STEAP1B: variants seen among roughly 807,000 people sequenced by gnomAD.
STEAP1B encodes STEAP family member 1B.
STEAP1B carries 13 observed loss-of-function variants against 27.9 expected under a neutral mutation model. The ratio of observed to expected loss-of-function variants is 0.47; its 90% CI spans 0.30 to 0.74. The LOEUF is 0.74. STEAP1B is among the 30% of genes least tolerant of loss of function. STEAP1B has a pLI of 0.06. For synonymous variants in STEAP1B, 86 were observed against 107.1 expected, an observed-to-expected ratio of 0.80 and a Z score of 1.22; for missense variants, 250 against 298.7, an observed-to-expected ratio of 0.84 and a Z score of 1.20.
intron 4 of STEAP1B, among the ~76,000 whole-genome samples, chr7:22,480,792 G>A (rs775756200): frequency 2.0e-5 from 3 of 152,148 alleles, no homozygotes; most frequent in Admixed American, 6.5e-5. Flanking sequence ...TCTTTACTAG[G>A]TGCCAGCTAC....
intron 4 of STEAP1B, among the ~76,000 whole-genome samples, chr7:22,424,117 A>G (rs1440847384): frequency 6.6e-6 from 1 of 152,232 alleles, no homozygotes; most frequent in Non-Finnish European, 1.5e-5. Context: ...TAATACCTTG[A>G]CTACCTTCTA....
chr7:22,461,070 G>A (rs1478190912), intron 4 of STEAP1B, among the ~76,000 whole-genome samples: 3 of 152,030 alleles, frequency 2.0e-5, no homozygotes, highest in Non-Finnish European at 2.9e-5. Flanking sequence ...TCCACAATAC[G>A]GAACAGCTAG....
intron 4 of STEAP1B, among the ~76,000 whole-genome samples, chr7:22,462,341 A>C (rs2128408216): frequency 7.1e-6 from 1 of 140,416 alleles, no homozygotes; most frequent in African/African-American, 2.7e-5. Context: ...CTAACTCGTC[A>C]TCTAGCATTA....
chr7:22,465,965 C>G (rs1053107287), intron 4 of STEAP1B, among the ~76,000 whole-genome samples: 1 of 152,118 alleles, frequency 6.6e-6, no homozygotes, highest in African/African-American at 2.4e-5. Flanking sequence ...ACGGGACAGG[C>G]CTGGGGCTCA....
intron 4 of STEAP1B, among the ~76,000 whole-genome samples, chr7:22,457,484 A>G (rs1222126486): frequency 2.0e-5 from 3 of 152,214 alleles, no homozygotes; most frequent in Non-Finnish European, 4.4e-5. Flanking sequence ...CTTTAGTGCC[A>G]AGGCTAGGAG....
chr7:22,481,829 T>C (rs1184438610), intron 4 of STEAP1B, among the ~76,000 whole-genome samples: 1 of 152,236 alleles, frequency 6.6e-6, no homozygotes, highest in African/African-American at 2.4e-5. Context: ...ACTAAATCAT[T>C]GCTCTTAGGA....
At position 22,473,195 on chromosome 7, in the gene STEAP1B, G is replaced by C. The variant is rs183298450; in HGVS notation, c.762+19370C>G. Among the ~76,000 whole-genome samples the C allele has an allele frequency of 4.6e-5, 7 of 152,312 alleles. No individual in the cohort carries two copies. The East Asian group carries it at 1.3e-3, about 29-fold the overall frequency. The stretch of plus-strand genomic sequence containing the variant: ...ACCAGGAACACTGAGATTTTCTTCA[G>C]ATGTTTTGCAAGGAGAAGAAACTGC... On this transcript the variant is annotated intron_variant, in intron 4 of 4. Coordinates refer to ENST00000678116, the MANE Select transcript of STEAP1B (RefSeq NM_001382447.1).
In STEAP1B at chr7:22,444,531, G is replaced by A. The variant is rs544166460; in HGVS notation, c.763-24695C>T. Among the ~76,000 whole-genome samples the A allele has an allele frequency of 1.2e-4, 18 of 152,302 alleles. No homozygotes were observed. In the South Asian group the frequency reaches 3.7e-3, roughly 32 times the overall value. The stretch of plus-strand genomic sequence containing the variant: ...TTCCAGGGACCATGGACTCTTTGCA[G>A]ACACACTACTCAAACCCATGGAGAA... On this transcript the variant is annotated intron_variant, in intron 4 of 4. Transcript: ENST00000678116.
intron 4 of STEAP1B, among the ~76,000 whole-genome samples, chr7:22,467,916 C>G (rs761747889): frequency 3.3e-5 from 5 of 152,158 alleles, no homozygotes; most frequent in Non-Finnish European, 7.4e-5. Context: ...TTGGAAATTC[C>G]TTTGGCAAAG....
chr7:22,496,556 T>G (rs1173875407), intron 1 of STEAP1B, among the ~76,000 whole-genome samples: 1 of 152,220 alleles, frequency 6.6e-6, no homozygotes, highest in East Asian at 1.9e-4. Flanking sequence ...TTTTTATCTT[T>G]TATACGATAT....
intron 4 of STEAP1B, among the ~76,000 whole-genome samples, chr7:22,446,363 G>A (rs2128403266): frequency 6.6e-6 from 1 of 152,306 alleles, no homozygotes; most frequent in Non-Finnish European, 1.5e-5. Context: ...CTATGCCAGT[G>A]GTTCACAAAG....
intron 4 of STEAP1B, among the ~76,000 whole-genome samples, chr7:22,445,817 G>A (rs1219752479): frequency 1.3e-5 from 2 of 152,244 alleles, no homozygotes; most frequent in Admixed American, 6.5e-5. Context: ...CAGGAGAGGC[G>A]AAGAGGAAGG....
chr7:22,492,770 A>T, intron 3 of STEAP1B, 41 bp from the exon 4 acceptor site: 1 of 1,556,852 alleles, frequency 6.4e-7, no homozygotes, highest in South Asian at 1.3e-5. Flanking sequence ...TGCAAACAAC[A>T]GTTATTTCCT....
chr7:22,465,518 G>T (rs1785761586), intron 4 of STEAP1B, among the ~76,000 whole-genome samples: 1 of 152,106 alleles, frequency 6.6e-6, no homozygotes. Flanking sequence ...CTTCTGTTGT[G>T]TAGATTTCCA....
Position 22,419,654 on chromosome 7 carries a change from G to A in STEAP1B, c.*150C>T, listed in dbSNP as rs369118937. The A allele has an allele frequency of 2.8e-5, 23 of 809,970 alleles. No individual in the cohort carries two copies. Among genetic ancestry groups the A allele is most frequent in the Middle Eastern group, 2.5e-4 (1 of 3,966 alleles). 50.2% of individuals were successfully genotyped at this position (809,970 alleles called of 1,614,324 possible). On this transcript the variant is annotated 3_prime_UTR_variant, in exon 5 of 5. Transcript: ENST00000678116. ...GGGGGATCCACTCATCTGCCCTGCC[G>A]GATCCATGTTGACAGAGCAGCCGTC...
intron 4 of STEAP1B, among the ~76,000 whole-genome samples, chr7:22,467,361 C>T (rs1785803155): frequency 6.6e-6 from 1 of 152,186 alleles, no homozygotes; most frequent in African/African-American, 2.4e-5. Context: ...TTAGTAAGGG[C>T]TGGATCTCTG....
rs113784859 is a variant in STEAP1B at position 22,451,894 on chromosome 7, T to C, written c.763-32058A>G. Among the ~76,000 whole-genome samples, 373 of 152,348 alleles carry C rather than the reference T, an allele frequency of 2.4e-3. 1 individual carries two copies. Among genetic ancestry groups the C allele is most frequent in the African/African-American group, 8.4e-3 (351 of 41,572 alleles). On this transcript the variant is annotated intron_variant, in intron 4 of 4. Coordinates refer to ENST00000678116, the MANE Select transcript of STEAP1B (RefSeq NM_001382447.1). ...TCTGGTTTTAGTATCAGAGTAATAC[T>C]GGCCTCTTAGAACGAGTTTGGAAGT...
intron 4 of STEAP1B, among the ~76,000 whole-genome samples, chr7:22,486,507 G>A (rs1241984419): frequency 6.6e-6 from 1 of 152,042 alleles, no homozygotes; most frequent in African/African-American, 2.4e-5. Flanking sequence ...AACCCTCTCA[G>A]AGGGATTCCT....
At chr7:22,485,333 C>T (rs1483723110) in intron 4 of STEAP1B, among the ~76,000 whole-genome samples, 1 of 152,198 alleles carries the variant, frequency 6.6e-6, no homozygotes, top group African/African-American at 2.4e-5. Flanking sequence ...CAGCCATCAA[C>T]ATTGAAGCAA....
Sources: gnomAD v4.1 joint callset for allele counts (sites outside exome capture counted in the v4.1 genomes callset) on GRCh38, gnomAD v4.1.1 for gene constraint, MANE v1.5 for transcripts, NCBI Gene and HGNC (gene_info 2026-07-23, HGNC 2026-07-21) for gene names.